Variants in NRCAM observed in about 807,000 individuals in gnomAD.
NRCAM encodes neuronal cell adhesion molecule.
A neutral mutation model predicts 156.5 loss-of-function variants in NRCAM; 83 were observed. The observed-to-expected ratio is 0.53, with a 90% CI of 0.44 to 0.64. NRCAM has a LOEUF of 0.64. Among genes scored for constraint, NRCAM ranks in the 30% least tolerant of loss-of-function variants. The probability of loss-of-function intolerance (pLI) is 0.00; values close to 1 mark genes in which losing one functional copy is unlikely to be tolerated. For synonymous variants in NRCAM, 538 were observed against 563.9 expected (o/e 0.95, Z 0.65); for missense variants, 1,417 against 1,597.3 (o/e 0.89, Z 1.92).
chr7:108,444,425 G>A (rs1842223580), intron 1 of NRCAM, among the ~76,000 whole-genome samples: 1 of 151,688 alleles, frequency 6.6e-6, no homozygotes, highest in Non-Finnish European at 1.5e-5. Flanking sequence ...ATTGTATTCT[G>A]TATTAGTTTG....
Position 108,150,042 on chromosome 7 carries a change from C to G in NRCAM, c.3783G>C (p.Gly1261=). 1 of 1,614,064 alleles carries G rather than the reference C, an allele frequency of 6.2e-7. No individual in the cohort carries two copies. Among genetic ancestry groups the G allele is most frequent in the Non-Finnish European group, 8.5e-7 (1 of 1,179,944 alleles). The change falls in exon 33 of 33, where the codon GGG becomes GGC. Residue 1261 remains glycine, a synonymous_variant. Coordinates refer to ENST00000379028, the MANE Select transcript of NRCAM (RefSeq NM_001037132.4). ...CATCCTCATTGAACTGGCCATTAAC[C>G]CCTTCTCCATAGTCAACTAGGCTGT... The part of the protein sequence containing the change: ...SDDSLVDYGE[G]VNGQFNEDGS...
At chr7:108,337,284 C>T (rs760530596) in intron 2 of NRCAM, among the ~76,000 whole-genome samples, 59 of 151,182 alleles carry the variant, frequency 3.9e-4, no homozygotes, top group Middle Eastern at 3.4e-3. Flanking sequence ...AAAAAAACCA[C>T]GGCTACCCTC....
At chr7:108,219,863 A>C (rs1325649389) in intron 11 of NRCAM, among the ~76,000 whole-genome samples, 1 of 152,186 alleles carries the variant, frequency 6.6e-6, no homozygotes. Context: ...CAATCAGACA[A>C]GAGAAAGAAA....
chr7:108,214,185 T>C (rs1158964161), intron 11 of NRCAM, among the ~76,000 whole-genome samples: 1 of 152,204 alleles, frequency 6.6e-6, no homozygotes, highest in Non-Finnish European at 1.5e-5. Flanking sequence ...CAGCTCCTTT[T>C]TGTACCTCTG....
At chr7:108,225,811 C>A in intron 9 of NRCAM, 110 bp from the exon 10 acceptor site, 1 of 769,674 alleles carries the variant, frequency 1.3e-6, no homozygotes, top group South Asian at 1.4e-5. Context: ...AGTGCTGTTC[C>A]TATCAAGTAA....
intron 2 of NRCAM, among the ~76,000 whole-genome samples, chr7:108,368,419 A>G (rs964496329): frequency 3.9e-5 from 6 of 152,144 alleles, no homozygotes; most frequent in African/African-American, 1.4e-4. Context: ...ACACGCATAC[A>G]TACACACTTC....
intron 6 of NRCAM, among the ~76,000 whole-genome samples, chr7:108,233,643 A>C (rs533217560): frequency 2.6e-5 from 4 of 152,312 alleles, no homozygotes; most frequent in African/African-American, 9.6e-5. Flanking sequence ...TTTTGAGGCA[A>C]ACCTTTGCTG....
At chr7:108,291,835 G>A (rs934653062) in intron 3 of NRCAM, among the ~76,000 whole-genome samples, 5 of 152,134 alleles carry the variant, frequency 3.3e-5, no homozygotes, top group South Asian at 4.1e-4. Context: ...CTAAATGGCC[G>A]TAATTTTCTG....
intron 27 of NRCAM, 101 bp downstream of exon 27, chr7:108,176,329 G>T: frequency 9.7e-7 from 1 of 1,029,606 alleles, no homozygotes; most frequent in Non-Finnish European, 1.5e-6. Flanking sequence ...CGTTAATCAG[G>T]TAAGACAGAC....
intron 1 of NRCAM, among the ~76,000 whole-genome samples, chr7:108,440,809 C>T (rs1053894697): frequency 2.6e-5 from 4 of 152,174 alleles, no homozygotes; most frequent in African/African-American, 9.7e-5. Context: ...CCTGGGAATG[C>T]CTTTCAAGTC....
At chr7:108,150,835 A>G (rs1183188936) in intron 32 of NRCAM, 1 of 428,502 alleles carries the variant, frequency 2.3e-6, no homozygotes, top group Admixed American at 3.4e-5. Context: ...TTAATGAGTA[A>G]AGATTTATTA....
At chr7:108,212,524 T>A (rs1461773975) in intron 11 of NRCAM, among the ~76,000 whole-genome samples, 1 of 152,000 alleles carries the variant, frequency 6.6e-6, no homozygotes, top group Non-Finnish European at 1.5e-5. Context: ...GGAGAAATAG[T>A]CTAGGAAATA....
chr7:108,260,230 A>G (rs1363441529), intron 3 of NRCAM, among the ~76,000 whole-genome samples: 2 of 152,276 alleles, frequency 1.3e-5, no homozygotes, highest in African/African-American at 4.8e-5. Flanking sequence ...ACGTCCAAGA[A>G]AGGGCATTAA....
At position 108,231,076 on chromosome 7, in the gene NRCAM, G is replaced by A. The variant is rs895722418; in HGVS notation, c.505C>T (p.Pro169Ser). Residue 169 changes from proline to serine, a missense_variant, in exon 8 of 33, where the codon CCC becomes TCC. Physicochemically the swap from Pro to Ser is moderately conservative, Grantham distance 74. Around this residue, in one of 2 missense-constraint regions of NRCAM, gnomAD observed 1,238 missense variants for 1,336.4 expected, o/e 0.93. Coordinates refer to ENST00000379028, the MANE Select transcript of NRCAM (RefSeq NM_001037132.4). ...SGQSLVLPCR[P>S]PIGLPPPIIF... is the part of the protein sequence containing the mutation. Reference sequence around the variant, plus strand: ...ATAGGTGGTGGTAATCCAATTGGGGGTCTGCAGGGAAGTACTAAAGACTGA... The same window carrying A: ...ATAGGTGGTGGTAATCCAATTGGGGATCTGCAGGGAAGTACTAAAGACTGA... 6.2e-7 allele frequency: 1 copy of A among 1,608,738 alleles called. No homozygotes were observed. Among genetic ancestry groups the A allele is most frequent in the South Asian group, 1.1e-5 (1 of 90,724 alleles).
chr7:108,148,746 A>G lies in NRCAM; in HGVS notation c.*1164T>C, dbSNP rs1270253026. The G allele has an allele frequency of 6.6e-6, 1 of 152,588 alleles. No individual in the cohort carries two copies. Among genetic ancestry groups the G allele is most frequent in the Non-Finnish European group, 1.5e-5 (1 of 68,024 alleles). 9.5% of individuals were successfully genotyped at this position (152,588 alleles called of 1,614,324 possible). On this transcript the variant is annotated 3_prime_UTR_variant, in exon 33 of 33. Coordinates refer to ENST00000379028, the MANE Select transcript of NRCAM (RefSeq NM_001037132.4). ...TGTTGGCATGCTGTTGTATGCTTTTAGTGTTGGAATAACTTAGTTTTAAAA... is the reference window on the plus strand; with the variant it reads ...TGTTGGCATGCTGTTGTATGCTTTTGGTGTTGGAATAACTTAGTTTTAAAA...
intron 1 of NRCAM, among the ~76,000 whole-genome samples, chr7:108,449,138 G>C (rs1011217335): frequency 1.7e-4 from 26 of 152,284 alleles, no homozygotes; most frequent in Admixed American, 7.2e-4. Context: ...TAAAACTTTT[G>C]TCAGTTAACT....
rs141460596 is a variant in NRCAM, at chr7:108,443,270, A to C, written c.-332+12973T>G. ...CCTGGAGGAGCTCACCATCCAAGAC[A>C]GACAAGGCTGCCGCTGGTGGGAATG... is the stretch of plus-strand genomic sequence containing the variant. On this transcript the variant is annotated intron_variant, in intron 1 of 32. Coordinates refer to ENST00000379028, the MANE Select transcript of NRCAM (RefSeq NM_001037132.4). Among the ~76,000 whole-genome samples the C allele has an allele frequency of 7.9e-3, 1,202 of 152,292 alleles. 15 individuals carry two copies. Among genetic ancestry groups the C allele is most frequent in the African/African-American group, 0.027 (1,135 of 41,556 alleles).
At chr7:108,451,036 T>C (rs531347386) in intron 1 of NRCAM, among the ~76,000 whole-genome samples, 1 of 152,102 alleles carries the variant, frequency 6.6e-6, no homozygotes, top group Non-Finnish European at 1.5e-5. Context: ...TTGGCCAACC[T>C]GGTAAAACCC....
chr7:108,230,910 A>G, intron 8 of NRCAM, 121 bp downstream of exon 8: 1 of 682,204 alleles, frequency 1.5e-6, no homozygotes, highest in Non-Finnish European at 2.4e-6. Context: ...TATTTTGAAG[A>G]GCAGCTGTTT....
Sources: gnomAD v4.1 joint callset for allele counts (sites outside exome capture counted in the v4.1 genomes callset) on GRCh38, gnomAD v4.1.1 for gene constraint, gnomAD v4.1.1 regional missense constraint, MANE v1.5 for transcripts, NCBI Gene and HGNC (gene_info 2026-07-23, HGNC 2026-07-21) for gene names.